The following COL9A1 variants were observed in gnomAD, a reference collection of about 807,000 sequenced individuals.
COL9A1 encodes the protein collagen type IX alpha 1 chain.
A neutral mutation model predicts 142.6 loss-of-function variants in COL9A1; 104 were observed. That is an observed-to-expected ratio of 0.73 (90% CI 0.62 to 0.86). The LOEUF (loss-of-function observed/expected upper bound fraction) is 0.86. Among genes scored for constraint, COL9A1 ranks in the 40% least tolerant of loss-of-function variants. COL9A1 has a pLI of 0.00. For synonymous variants in COL9A1, 466 were observed against 396.0 expected (o/e 1.18, Z -2.10); for missense variants, 1,210 against 1,176.6 (o/e 1.03, Z -0.42).
At chr6:70,280,900 G>C in intron 9 of COL9A1, 26 bp from the exon 10 acceptor site, 1 of 1,613,098 alleles carries the variant, frequency 6.2e-7, no homozygotes, top group East Asian at 2.2e-5. Flanking sequence ...AGGGTGCGGG[G>C]GCAGGAGAGA....
At chr6:70,302,664 T>C (rs929386097) in intron 1 of COL9A1, among the ~76,000 whole-genome samples, 1 of 152,060 alleles carries the variant, frequency 6.6e-6, no homozygotes, top group Non-Finnish European at 1.5e-5. Context: ...CACCTTTGAT[T>C]TCCTTCCTCT....
At chr6:70,298,821 A>AG (rs199720649) in intron 4 of COL9A1, among the ~76,000 whole-genome samples, 1 of 152,152 alleles carries the variant, frequency 6.6e-6, no homozygotes, top group African/African-American at 2.4e-5. Flanking sequence ...AGAAATTATG[A>AG]GGAAAAAAAA....
intron 37 of COL9A1, among the ~76,000 whole-genome samples, chr6:70,225,337 G>T (rs1261307154): frequency 6.6e-6 from 1 of 152,192 alleles, no homozygotes; most frequent in Non-Finnish European, 1.5e-5. Context: ...AGAAGGCCCA[G>T]TGAGAGAATC....
chr6:70,276,227 T>A (rs1326407581), intron 10 of COL9A1, among the ~76,000 whole-genome samples: 1 of 152,170 alleles, frequency 6.6e-6, no homozygotes, highest in African/African-American at 2.4e-5. Flanking sequence ...TAATGAAATG[T>A]TTGCTTTGGC....
In COL9A1 at chr6:70,269,613, T is replaced by C. The variant is rs1269068338; in HGVS notation, c.1230+20A>G. 3.2e-6 allele frequency: 5 copies of C among 1,555,526 alleles called. No individual in the cohort carries two copies. The highest frequency in any genetic ancestry group is 3.6e-6 in the Non-Finnish European group (4 of 1,126,478). ...GTCTTTGAATTAAAACTATATTTTG[T>C]TCAAAGGAAAGCATCTTACCAATGG... On this transcript the variant is annotated intron_variant, in intron 16 of 37. Transcript: ENST00000357250.
Position 70,252,203 on chromosome 6 carries a change from G to A in COL9A1, c.1819-30C>T, listed in dbSNP as rs777664504. 1.1e-5 allele frequency: 18 copies of A among 1,614,156 alleles called. No individual in the cohort carries two copies. The East Asian group carries it at 3.8e-4, about 34-fold the overall frequency. ...TATCAGGAAGGAAGGTAGAAAAAAA[G>A]TTAACACCTACTGATTACAACAGGT... On this transcript the variant is annotated intron_variant, in intron 27 of 37. Transcript: ENST00000357250.
chr6:70,235,368 G>A (rs1036069261), intron 33 of COL9A1, among the ~76,000 whole-genome samples: 26 of 152,032 alleles, frequency 1.7e-4, no homozygotes, highest in Admixed American at 1.3e-3. Flanking sequence ...CAGGAGAATC[G>A]CTTGAACCCA....
At chr6:70,235,003 T>C (rs1769816068) in intron 33 of COL9A1, 63 bp from the exon 34 acceptor site, 1 of 1,603,304 alleles carries the variant, frequency 6.2e-7, no homozygotes, top group African/African-American at 1.3e-5. Flanking sequence ...TGCTTCATAC[T>C]CATATAAACA....
chr6:70,224,493 A>G (rs989947034), intron 37 of COL9A1, among the ~76,000 whole-genome samples: 3 of 152,252 alleles, frequency 2.0e-5, no homozygotes, highest in African/African-American at 7.2e-5. Flanking sequence ...TGTTGCCAAT[A>G]GTGCAAGTCA....
chr6:70,283,640 AG>A (rs766304422), intron 6 of COL9A1, 96 bp downstream of exon 6: 18 of 845,088 alleles, frequency 2.1e-5, no homozygotes, highest in Admixed American at 6.0e-5. Flanking sequence ...GAGAGTGGGG[AG>A]GAGGGGTGCT....
At chr6:70,254,821 A>G in intron 24 of COL9A1, 142 bp downstream of exon 24, 1 of 812,238 alleles carries the variant, frequency 1.2e-6, no homozygotes, top group South Asian at 1.5e-5. Context: ...CATATTTGAC[A>G]CTTGATTCAA....
intron 10 of COL9A1, chr6:70,280,041 A>G: frequency 1.4e-6 from 1 of 690,274 alleles, no homozygotes; most frequent in Non-Finnish European, 2.7e-6. Flanking sequence ...ACATATTGTT[A>G]GAATGCATGG....
chr6:70,280,733 C>CG, intron 10 of COL9A1, 79 bp downstream of exon 10: 2 of 1,377,586 alleles, frequency 1.5e-6, no homozygotes, highest in Non-Finnish European at 2.0e-6. Flanking sequence ...CTCTCTCCCT[C>CG]CCCCCCCACA....
intron 17 of COL9A1, among the ~76,000 whole-genome samples, chr6:70,268,291 T>G (rs1772160591): frequency 6.6e-6 from 1 of 151,884 alleles, no homozygotes. Flanking sequence ...CATAGCTCAT[T>G]GCAACCTTGA....
At chr6:70,270,813 G>C (rs575701209) in intron 14 of COL9A1, among the ~76,000 whole-genome samples, 40 of 152,298 alleles carry the variant, frequency 2.6e-4, no homozygotes, top group African/African-American at 9.4e-4. Flanking sequence ...CCTGACTCTT[G>C]CAAGTGCTGT....
At chr6:70,245,426 G>A (rs1040657620) in intron 28 of COL9A1, among the ~76,000 whole-genome samples, 13 of 152,132 alleles carry the variant, frequency 8.5e-5, no homozygotes, top group Non-Finnish European at 1.2e-4. Context: ...AACCTCAGGC[G>A]TAAACGGGTT....
intron 20 of COL9A1, among the ~76,000 whole-genome samples, chr6:70,259,363 G>A (rs192833673): frequency 2.6e-5 from 4 of 152,336 alleles, no homozygotes; most frequent in Admixed American, 2.0e-4. Flanking sequence ...AGAAGTGACA[G>A]TGGGCAAAGA....
intron 33 of COL9A1, among the ~76,000 whole-genome samples, chr6:70,236,896 A>C (rs1769944938): frequency 6.6e-6 from 1 of 151,364 alleles, no homozygotes; most frequent in South Asian, 2.1e-4. Context: ...ATCTCGGCTC[A>C]CCACAACCTC....
intron 10 of COL9A1, chr6:70,275,109 G>T: frequency 3.2e-6 from 1 of 317,120 alleles, no homozygotes; most frequent in Non-Finnish European, 5.9e-6. Context: ...AGCTAAGACT[G>T]GTGGGTCTTG....
Sources: gnomAD v4.1 joint callset for allele counts (sites outside exome capture counted in the v4.1 genomes callset) on GRCh38, gnomAD v4.1.1 for gene constraint, MANE v1.5 for transcripts, NCBI Gene and HGNC (gene_info 2026-07-23, HGNC 2026-07-21) for gene names.